The following SHARPIN variants were observed in gnomAD, a reference collection of about 807,000 sequenced individuals.
SHARPIN encodes SHANK associated RH domain interactor, also known as hSIPL1.
SHARPIN carries 25 observed loss-of-function variants against 40.3 expected under a neutral mutation model. That is an observed-to-expected ratio of 0.62 (90% CI 0.45 to 0.87). The LOEUF is 0.87. Ranked by LOEUF, SHARPIN falls within the 40% of genes least tolerant of loss-of-function variation. The pLI is 0.00. For missense variants in SHARPIN, 551 were observed against 516.1 expected, an observed-to-expected ratio of 1.07 and a Z score of -0.66; for synonymous variants, 274 against 221.8, an observed-to-expected ratio of 1.24 and a Z score of -2.09.
intron 1 of SHARPIN, among the ~76,000 whole-genome samples, 160 bp downstream of exon 1, chr8:144,103,393 G>A (rs920601346): frequency 2.0e-5 from 3 of 152,240 alleles, no homozygotes; most frequent in African/African-American, 7.2e-5. Context: ...GTAGGTCCCA[G>A]TAGGTCCGAG....
chr8:144,102,970 A>G, intron 2 of SHARPIN, 81 bp downstream of exon 2: 1 of 1,536,212 alleles, frequency 6.5e-7, no homozygotes, highest in Non-Finnish European at 9.0e-7. Context: ...GCAGTGGGGA[A>G]GGTGGATCCA....
chr8:144,102,895 C>T (rs1240255347), intron 2 of SHARPIN, 156 bp downstream of exon 2: 1 of 872,184 alleles, frequency 1.1e-6, no homozygotes, highest in Non-Finnish European at 1.8e-6. Flanking sequence ...CCAGCAGCCA[C>T]TCCAAGTACT....
chr8:144,103,158 T>C lies in SHARPIN; in HGVS notation c.269A>G (p.Gln90Arg), dbSNP rs1836323419. ...GGTTCCAGGCCCTCCTGGTGGAGGC[T>C]GTAGCTCGTGCTGGGTGGGGCCTCG... The part of the protein sequence containing the change: ...TIRGPTQHEL[Q>R]PPPGGPGTLS... The change falls in exon 2 of 9, where the codon CAG becomes CGG. Residue 90 changes from glutamine to arginine, a missense_variant. Physicochemically the swap from Gln to Arg is conservative, Grantham distance 43 (BLOSUM62 1). Transcript: ENST00000398712. 6.2e-7 allele frequency: 1 copy of C among 1,613,578 alleles called. No homozygotes were observed. The highest frequency in any genetic ancestry group is 1.3e-5 in the African/African-American group (1 of 74,910).
At chr8:144,102,651 C>A in intron 2 of SHARPIN, 1 of 290,660 alleles carries the variant, frequency 3.4e-6, no homozygotes, top group Non-Finnish European at 6.6e-6. Flanking sequence ...CACTGCAGAA[C>A]TCTGTCTTAA....
At position 144,103,033 on chromosome 8, in the gene SHARPIN, C is replaced by G. The variant is rs1408254082; in HGVS notation, c.376+18G>C. ...AGGCTATTCCAAATTGTAATTGTAT[C>G]CATTACAGGGCACTGACCATTCTGT... On this transcript the variant is annotated intron_variant, in intron 2 of 8. Coordinates refer to ENST00000398712, the MANE Select transcript of SHARPIN (RefSeq NM_030974.4). The G allele has an allele frequency of 6.2e-7, 1 of 1,613,056 alleles. No individual in the cohort carries two copies.
chr8:144,101,573 T>TA, intron 2 of SHARPIN, among the ~76,000 whole-genome samples: 3 of 99,344 alleles, frequency 3.0e-5, no homozygotes, highest in African/African-American at 1.1e-4. Context: ...CACACCCAGC[T>TA]AATTTTTTTT....
In SHARPIN at chr8:144,103,096, G is replaced by C. The variant is rs780283653; in HGVS notation, c.331C>G (p.Arg111Gly). The C allele has an allele frequency of 6.2e-7, 1 of 1,610,860 alleles. No individual in the cohort carries two copies. The highest frequency in any genetic ancestry group is 1.1e-5 in the South Asian group (1 of 90,894). ...GCACCTCGGACTAGGACTGCCCACC[G>C]CTGAGCTTCCTGAGGGTTGAGGAAG... is the stretch of plus-strand genomic sequence containing the variant. The part of the protein sequence containing the change: ...LHFLNPQEAQ[R>G]WAVLVRGATV... Residue 111 changes from arginine to glycine, a missense_variant, in exon 2 of 9, where the codon CGG becomes GGG. Transcript: ENST00000398712.
intron 2 of SHARPIN, 76 bp from the exon 3 acceptor site, chr8:144,100,145 G>A (rs1836262475): frequency 6.7e-7 from 1 of 1,498,750 alleles, no homozygotes; most frequent in Non-Finnish European, 8.9e-7. Flanking sequence ...CAGGACCTTT[G>A]CCTTCTCCCT....
intron 2 of SHARPIN, among the ~76,000 whole-genome samples, chr8:144,101,816 G>C (rs549976877): frequency 6.6e-6 from 1 of 152,208 alleles, no homozygotes; most frequent in African/African-American, 2.4e-5. Context: ...AATAGGATGG[G>C]GATGGGAGGT....
rs554522364 is a variant in SHARPIN, at chr8:144,099,747, C to G, written c.615G>C (p.Leu205=). Residue 205 remains leucine, a synonymous_variant, in exon 4 of 9, where the codon CTG becomes CTC. Transcript: ENST00000398712. ...AGCAGGCCTCCTGAAGCTGAACACT[C>G]AGGGCCACACGATGCTGGGCCAGGA... ...AAVLAQHRVA[L]SVQLQEACFP... 1 of 1,613,482 alleles carries G rather than the reference C, an allele frequency of 6.2e-7. No individual in the cohort carries two copies. The highest frequency in any genetic ancestry group is 8.5e-7 in the Non-Finnish European group (1 of 1,180,002).
At chr8:144,101,706 G>A (rs867101705) in intron 2 of SHARPIN, among the ~76,000 whole-genome samples, 6 of 151,042 alleles carry the variant, frequency 4.0e-5, no homozygotes, top group South Asian at 2.1e-4. Context: ...GTGAGCCACC[G>A]TGCCCGGCCC....
intron 1 of SHARPIN, 73 bp from the exon 2 acceptor site, chr8:144,103,298 G>A (rs1368668839): frequency 3.4e-6 from 5 of 1,491,236 alleles, no homozygotes; most frequent in South Asian, 1.3e-5. Context: ...GAAATACAAG[G>A]TAACATTTAT....
In SHARPIN at chr8:144,103,697, T is replaced by C; in HGVS notation, c.57A>G (p.Ala19=). ...AAAASDLGSA[A]VLLAVHAAVR... Reference sequence around the variant, plus strand: ...CCGCGGCGTGCACAGCCAAGAGCACTGCGGCGGAGCCCAAGTCCGAGGCCG... The same window carrying C: ...CCGCGGCGTGCACAGCCAAGAGCACCGCGGCGGAGCCCAAGTCCGAGGCCG... Residue 19 remains alanine, a synonymous_variant, in exon 1 of 9, where the codon GCA becomes GCG. Transcript: ENST00000398712. 6.7e-7 allele frequency: 1 copy of C among 1,481,930 alleles called. No individual in the cohort carries two copies. Among genetic ancestry groups the C allele is most frequent in the Non-Finnish European group, 8.9e-7 (1 of 1,123,252 alleles). 91.8% of individuals were successfully genotyped at this position (1,481,930 alleles called of 1,614,324 possible).
At chr8:144,103,253 G>T (rs761564851) in intron 1 of SHARPIN, 28 bp from the exon 2 acceptor site, 4 of 1,573,852 alleles carry the variant, frequency 2.5e-6, no homozygotes, top group Non-Finnish European at 2.6e-6. Flanking sequence ...CCAGGCTCAG[G>T]GCGTCCCCCC....
intron 2 of SHARPIN, chr8:144,102,599 A>G (rs778378673): frequency 1.0e-5 from 2 of 193,912 alleles, no homozygotes; most frequent in Non-Finnish European, 2.2e-5. Flanking sequence ...AAGCATCTCT[A>G]GAAACATCCT....
At chr8:144,100,162 A>C in intron 2 of SHARPIN, 93 bp from the exon 3 acceptor site, 2 of 1,452,614 alleles carry the variant, frequency 1.4e-6, no homozygotes, top group African/African-American at 1.4e-5. Flanking sequence ...CCCTCACCTC[A>C]GTCCATGCCA....
intron 2 of SHARPIN, among the ~76,000 whole-genome samples, chr8:144,101,395 C>A (rs1489574078): frequency 7.1e-6 from 1 of 140,558 alleles, no homozygotes; most frequent in Non-Finnish European, 1.5e-5. Flanking sequence ...CACGACTACA[C>A]TCAGCTAATT....
chr8:144,101,216 A>C (rs1836280246), intron 2 of SHARPIN, among the ~76,000 whole-genome samples: 2 of 151,392 alleles, frequency 1.3e-5, no homozygotes, highest in African/African-American at 4.8e-5. Flanking sequence ...TTTTTTAAAA[A>C]ACTCTACAGT....
rs780204048 is a variant in SHARPIN, at chr8:144,099,004, G to A, written c.1048-10C>T. ...GACAGGACCAGCTGGGCTGGGGGAA[G>A]AGAGACAGTTGTTGCTTCCCTGCTC... On this transcript the variant is annotated splice_polypyrimidine_tract_variant and intron_variant, in intron 7 of 8. Transcript: ENST00000398712. 5 of 1,601,900 alleles carry A rather than the reference G, an allele frequency of 3.1e-6. No homozygotes were observed. In the African/African-American group the frequency reaches 6.8e-5, roughly 22 times the overall value.
Sources: gnomAD v4.1 joint callset for allele counts (sites outside exome capture counted in the v4.1 genomes callset) on GRCh38, gnomAD v4.1.1 for gene constraint, MANE v1.5 for transcripts, NCBI Gene and HGNC (gene_info 2026-07-23, HGNC 2026-07-21) for gene names.